The following KLF13 variants were observed in gnomAD, a reference collection of about 807,000 sequenced individuals.
The protein encoded by KLF13 is Krueppel-like factor 13.
A neutral mutation model predicts 16.7 loss-of-function variants in KLF13; 8 were observed. That is an observed-to-expected ratio of 0.48 (90% CI 0.28 to 0.87). The LOEUF is 0.87. Ranked by LOEUF, KLF13 falls within the 40% of genes least tolerant of loss-of-function variation. KLF13 has a pLI of 0.10. For synonymous variants in KLF13, 245 were observed against 208.4 expected (o/e 1.18, Z -1.51); for missense variants, 447 against 452.2 (o/e 0.99, Z 0.10).
At chr15:31,419,747 C>A (rs2040299440) in intron 1 of KLF13, among the ~76,000 whole-genome samples, 1 of 152,140 alleles carries the variant, frequency 6.6e-6, no homozygotes. Context: ...GGGCAGAGAG[C>A]TTATTTGAAG....
intron 1 of KLF13, among the ~76,000 whole-genome samples, chr15:31,427,606 C>T (rs569782712): frequency 3.7e-4 from 56 of 152,282 alleles, no homozygotes; most frequent in African/African-American, 1.3e-3. Flanking sequence ...GTGTGGTATA[C>T]ACATACAATG....
intron 1 of KLF13, among the ~76,000 whole-genome samples, chr15:31,370,044 C>CTTTTTTTTTT (rs912005994): frequency 1.0e-4 from 10 of 99,222 alleles, no homozygotes; most frequent in Non-Finnish European, 1.3e-4. Flanking sequence ...TCTCCTTTTT[C>CTTTTTTTTTT]TTTTTTTTTT....
At chr15:31,410,987 T>C (rs2040187227) in intron 1 of KLF13, among the ~76,000 whole-genome samples, 1 of 152,176 alleles carries the variant, frequency 6.6e-6, no homozygotes, top group South Asian at 2.1e-4. Context: ...AAAAAACCAG[T>C]CTTCTATCTA....
chr15:31,368,742 G>T (rs902655255), intron 1 of KLF13, among the ~76,000 whole-genome samples: 1 of 152,078 alleles, frequency 6.6e-6, no homozygotes, highest in East Asian at 1.9e-4. Context: ...ATCCCAGCTA[G>T]TCGAGAGGCT....
rs1301231687 is a variant in KLF13 at position 31,372,769 on chromosome 15, C to T, written c.*470C>T. 1 of 155,362 alleles carries T rather than the reference C, an allele frequency of 6.4e-6. No individual in the cohort carries two copies. Among genetic ancestry groups the T allele is most frequent in the Non-Finnish European group, 1.4e-5 (1 of 70,226 alleles). The allele number at this position is 155,362 out of a possible 1,614,324, so 9.6% of individuals were successfully genotyped here. A position where few individuals can be genotyped will look rare whatever the true frequency, so the allele number is the denominator to read the frequency against. ...GACGTTTGTGCCTCCAGGGCAGATT[C>T]CTAAGCAGCTGGCCTGACCTCTTCC... On this transcript the variant is annotated 3_prime_UTR_variant, in exon 2 of 2. Transcript: ENST00000307145.
At position 31,423,166 on chromosome 15, in the gene KLF13, T is replaced by C. The variant is rs1179640523; in HGVS notation, n.118-12204T>C. ...ATACGTATATATACGTATATATATG[T>C]ATATATATACATATATACGTATATA... On this transcript the variant is annotated intron_variant and non_coding_transcript_variant, in intron 1 of 1. Coordinates refer to the KLF13 transcript ENST00000558225. 1.1e-4 allele frequency among the ~76,000 whole-genome samples: 13 copies of C among 118,596 alleles called. 1 individual carries two copies. Among genetic ancestry groups the C allele is most frequent in the Non-Finnish European group, 1.5e-4 (9 of 61,786 alleles). The allele number at this position is 118,596 out of a possible 152,430, so 77.8% of individuals were successfully genotyped here.
At chr15:31,331,972 A>G (rs1220446773) in intron 1 of KLF13, among the ~76,000 whole-genome samples, 1 of 152,348 alleles carries the variant, frequency 6.6e-6, no homozygotes, top group Middle Eastern at 3.4e-3. Context: ...TCACAGCCGC[A>G]TGGTATTCCA....
At chr15:31,424,875 TCACACACA>T (rs71110875) in intron 1 of KLF13, among the ~76,000 whole-genome samples, 2,675 of 146,306 alleles carry the variant, frequency 0.018, 64 homozygotes, top group African/African-American at 0.055. Context: ...TCTAGAGATT[TCACACACA>T]CACACACACA....
intron 1 of KLF13, among the ~76,000 whole-genome samples, chr15:31,338,677 T>G (rs1292346316): frequency 6.6e-6 from 1 of 152,114 alleles, no homozygotes; most frequent in Non-Finnish European, 1.5e-5. Flanking sequence ...GTACTCCATC[T>G]TGGGCCATTC....
downstream of KLF13, among the ~76,000 whole-genome samples, chr15:31,380,064 G>A (rs34187857): frequency 0.49 from 74,481 of 152,012 alleles, 18,427 homozygotes; most frequent in East Asian, 0.59. Context: ...CTGGGGGGCC[G>A]AGGAAGGCAG....
upstream of KLF13, among the ~76,000 whole-genome samples, chr15:31,391,330 G>T (rs1315717815): frequency 7.5e-6 from 1 of 133,104 alleles, no homozygotes; most frequent in Admixed American, 7.6e-5. Flanking sequence ...GGGTGTCGGG[G>T]TTGTGGGGCT....
chr15:31,406,555 A>G (rs2040131932), downstream of KLF13, among the ~76,000 whole-genome samples: 1 of 152,222 alleles, frequency 6.6e-6, no homozygotes, highest in African/African-American at 2.4e-5. Context: ...AGGGAAGTGC[A>G]GTGTAACCAA....
chr15:31,346,433 T>C (rs936025477), intron 1 of KLF13, among the ~76,000 whole-genome samples: 2 of 152,144 alleles, frequency 1.3e-5, no homozygotes, highest in African/African-American at 4.8e-5. Flanking sequence ...CTGTTACCAG[T>C]ATTCAGCCAC....
In KLF13 at chr15:31,377,387, A is replaced by G. The variant is rs1268747543; in HGVS notation, c.*5088A>G. 6.6e-6 allele frequency: 1 copy of G among 152,600 alleles called. No individual in the cohort carries two copies. The highest frequency in any genetic ancestry group is 2.1e-4 in the South Asian group (1 of 4,810). 9.5% of individuals were successfully genotyped at this position (152,600 alleles called of 1,614,324 possible). On this transcript the variant is annotated 3_prime_UTR_variant, in exon 2 of 2. Coordinates refer to ENST00000307145, the MANE Select transcript of KLF13 (RefSeq NM_015995.4). ...AGAAAGGAGGCACTACTGAGCAACT[A>G]TGCATTGTCATTGTCGGGTTTGGGG...
At position 31,373,468 on chromosome 15, in the gene KLF13, T is replaced by C. The variant is rs940351086; in HGVS notation, c.*1169T>C. On this transcript the variant is annotated 3_prime_UTR_variant, in exon 2 of 2. Coordinates refer to ENST00000307145, the MANE Select transcript of KLF13 (RefSeq NM_015995.4). ...CCGCAGGGAATGCCAGATAGAAAGTTGCGGGCAACACTTTTCTCAGACCCA... is the reference window on the plus strand; with the variant it reads ...CCGCAGGGAATGCCAGATAGAAAGTCGCGGGCAACACTTTTCTCAGACCCA... 4 of 152,234 alleles carry C rather than the reference T, an allele frequency of 2.6e-5. No individual in the cohort carries two copies. Among genetic ancestry groups the C allele is most frequent in the Non-Finnish European group, 5.9e-5 (4 of 68,044 alleles). The allele number at this position is 152,234 out of a possible 1,614,324, so 9.4% of individuals were successfully genotyped here.
At chr15:31,367,351 A>G (rs534665925) in intron 1 of KLF13, among the ~76,000 whole-genome samples, 9 of 152,322 alleles carry the variant, frequency 5.9e-5, no homozygotes, top group Admixed American at 3.3e-4. Flanking sequence ...GGTCAGGACC[A>G]TGTCTCTGGG....
At chr15:31,336,087 C>G (rs1024115703) in intron 1 of KLF13, among the ~76,000 whole-genome samples, 1 of 152,240 alleles carries the variant, frequency 6.6e-6, no homozygotes, top group Non-Finnish European at 1.5e-5. Context: ...CTCCCCCGAC[C>G]CCAGCGTACA....
intron 1 of KLF13, among the ~76,000 whole-genome samples, chr15:31,430,335 T>G (rs2040457550): frequency 6.6e-6 from 1 of 152,160 alleles, no homozygotes; most frequent in Admixed American, 6.5e-5. Context: ...AATGGGTGTC[T>G]TAGTCTGTGT....
intron 1 of KLF13, among the ~76,000 whole-genome samples, chr15:31,332,120 G>A (rs1486391151): frequency 1.3e-5 from 2 of 152,138 alleles, no homozygotes; most frequent in Non-Finnish European, 2.9e-5. Flanking sequence ...TCTTGGTGCA[G>A]AGGAGCTGGC....
Sources: allele counts gnomAD v4.1 joint callset (sites outside exome capture counted in the v4.1 genomes callset), GRCh38; gene constraint gnomAD v4.1.1; transcripts MANE v1.5; gene names NCBI Gene and HGNC (gene_info 2026-07-23, HGNC 2026-07-21).